The following C2orf72 variants were observed in gnomAD, a reference collection of about 807,000 sequenced individuals.
The protein encoded by C2orf72 is chromosome 2 open reading frame 72.
Under a neutral mutation model 14.4 loss-of-function variants are expected in C2orf72, and 16 were observed. That is an observed-to-expected ratio of 1.11 (90% CI 0.75 to 1.69). The LOEUF is 1.69. Among genes scored for constraint, C2orf72 ranks in the 40% most tolerant of loss-of-function variants. C2orf72 has a pLI of 0.00. For missense variants in C2orf72, 371 were observed against 358.3 expected (o/e 1.04, Z -0.29); for synonymous variants, 168 against 176.8 (o/e 0.95, Z 0.40).
At chr2:231,040,902 T>C (rs1693332039) in intron 1 of C2orf72, among the ~76,000 whole-genome samples, 1 of 152,240 alleles carries the variant, frequency 6.6e-6, no homozygotes, top group Non-Finnish European at 1.5e-5. Context: ...CTGTTGACTT[T>C]ATAGATTACT....
At position 231,047,868 on chromosome 2, in the gene C2orf72, C is replaced by G. The variant is rs1693439565; in HGVS notation, c.*847C>G. On this transcript the variant is annotated 3_prime_UTR_variant, in exon 3 of 3. Transcript: ENST00000373640. ...CAGGGCCAGGACAGAAATAGCCACA[C>G]ATGCCGGTGAGAACAAAGAGCCTCT... 6.6e-6 allele frequency: 1 copy of G among 152,602 alleles called. No homozygotes were observed. Among genetic ancestry groups the G allele is most frequent in the Admixed American group, 6.5e-5 (1 of 15,304 alleles). The allele number at this position is 152,602 out of a possible 1,614,324, so 9.5% of individuals were successfully genotyped here. A position where few individuals can be genotyped will look rare whatever the true frequency, so the allele number is the denominator to read the frequency against.
rs1693435757 is a variant in C2orf72, at chr2:231,047,591, G to T, written c.*570G>T. On this transcript the variant is annotated 3_prime_UTR_variant, in exon 3 of 3. Coordinates refer to ENST00000373640, the MANE Select transcript of C2orf72 (RefSeq NM_001144994.2). The stretch of plus-strand genomic sequence containing the variant: ...TGAGGGGGTCACAGTGACTGTGGGG[G>T]CACCCCTGGCATCTAGTGGGCATCC... The T allele has an allele frequency of 4.4e-6, 1 of 226,248 alleles. No homozygotes were observed. The highest frequency in any genetic ancestry group is 9.0e-6 in the Non-Finnish European group (1 of 111,394). 14.0% of individuals were successfully genotyped at this position (226,248 alleles called of 1,614,324 possible). A position where few individuals can be genotyped will look rare whatever the true frequency, so the allele number is the denominator to read the frequency against.
At chr2:231,044,953 A>G (rs903450093) in intron 2 of C2orf72, among the ~76,000 whole-genome samples, 1 of 147,844 alleles carries the variant, frequency 6.8e-6, no homozygotes, top group Non-Finnish European at 1.5e-5. Flanking sequence ...CTTTATATAT[A>G]TATATATATA....
rs751417272 is a variant in C2orf72 at position 231,041,321 on chromosome 2, C to G, written c.660C>G (p.Gly220=). Reference sequence around the variant, plus strand: ...TGGAAGGAGCCTGGGAGAGGCCAGGCCTCCCCGGACTGCTAGCCTGCTTTT... The same window carrying G: ...TGGAAGGAGCCTGGGAGAGGCCAGGGCTCCCCGGACTGCTAGCCTGCTTTT... The part of the protein sequence containing the change: ...QPVEGAWERP[G]LPGLLACFSW... Residue 220 remains glycine (G), a synonymous_variant, in exon 2 of 3, where the codon GGC becomes GGG. Coordinates refer to ENST00000373640, the MANE Select transcript of C2orf72 (RefSeq NM_001144994.2). 7 of 1,551,160 alleles carry G rather than the reference C, an allele frequency of 4.5e-6. No individual in the cohort carries two copies. In the African/African-American group the frequency reaches 8.2e-5, roughly 18 times the overall value.
intron 2 of C2orf72, among the ~76,000 whole-genome samples, chr2:231,046,304 GTGTGT>G (rs1693415161): frequency 6.7e-6 from 1 of 148,984 alleles, no homozygotes; most frequent in Non-Finnish European, 1.5e-5. Flanking sequence ...GTGTGTGTGT[GTGTGT>G]GTGTGTGTGT....
Position 231,041,382 on chromosome 2 carries a change from G to T in C2orf72, c.721G>T (p.Val241Phe). Residue 241 changes from valine (V) to phenylalanine (F), a missense_variant, in exon 2 of 3, where the codon GTT (valine) becomes TTT (phenylalanine). Val to Phe is a conservative substitution (Grantham distance 50). Transcript: ENST00000373640. ...GPWSRRKNQD[V>F]AACRSSAQED... ...CTGGAGCCGGAGGAAGAACCAGGAT[G>T]TTGCTGCCTGCAGAAGCTCAGCTCA... The T allele has an allele frequency of 6.4e-7, 1 of 1,551,570 alleles. No individual in the cohort carries two copies. Among genetic ancestry groups the T allele is most frequent in the Non-Finnish European group, 8.7e-7 (1 of 1,146,958 alleles).
rs1415329938 is a variant in C2orf72, at chr2:231,037,599, C to T, written c.34C>T (p.Leu12Phe). Residue 12 changes from leucine (L) to phenylalanine (F), a missense_variant, in exon 1 of 3, where the codon CTT (leucine) becomes TTT (phenylalanine). Transcript: ENST00000373640. Reference protein sequence around the residue: ...ERELEALAARLARPAEPPFQA... With the variant: ...ERELEALAARFARPAEPPFQA... The stretch of plus-strand genomic sequence containing the variant: ...CGAGCTGGAGGCGCTGGCGGCCCGG[C>T]TTGCGCGCCCTGCCGAGCCGCCCTT... 9.3e-7 allele frequency: 1 copy of T among 1,076,730 alleles called. No individual in the cohort carries two copies. 66.7% of individuals were successfully genotyped at this position (1,076,730 alleles called of 1,614,324 possible).
At chr2:231,038,696 G>GAA (rs1693295145) in intron 1 of C2orf72, among the ~76,000 whole-genome samples, 1 of 152,102 alleles carries the variant, frequency 6.6e-6, no homozygotes, top group African/African-American at 2.4e-5. Context: ...CATCTCCAGC[G>GAA]CGGTGGAGGC....
rs1192549887 is a variant in C2orf72, at chr2:231,048,509, C to A, written c.*1488C>A. On this transcript the variant is annotated 3_prime_UTR_variant, in exon 3 of 3. Transcript: ENST00000373640. Reference sequence around the variant, plus strand: ...TGCCAGGGTAGCCCCTACCCCCAGCCCCTTGCTCCTGGACAGCAGTGGGTC... The same window carrying A: ...TGCCAGGGTAGCCCCTACCCCCAGCACCTTGCTCCTGGACAGCAGTGGGTC... 6.5e-6 allele frequency: 1 copy of A among 152,932 alleles called. No individual in the cohort carries two copies. The highest frequency in any genetic ancestry group is 2.4e-5 in the African/African-American group (1 of 41,480). The allele number at this position is 152,932 out of a possible 1,614,324, so 9.5% of individuals were successfully genotyped here.
At chr2:231,043,257 G>A (rs546837611) in intron 2 of C2orf72, among the ~76,000 whole-genome samples, 155 of 152,268 alleles carry the variant, frequency 1.0e-3, no homozygotes, top group Middle Eastern at 3.4e-3. Context: ...ATTTGTCAGA[G>A]AGACAACCTA....
Position 231,038,111 on chromosome 2 carries a change from C to T in C2orf72, c.546C>T (p.Ala182=), listed in dbSNP as rs1238523766. Residue 182 remains alanine (A), a synonymous_variant, in exon 1 of 3, where the codon GCC becomes GCT. Transcript: ENST00000373640. ...AGGCGGGGGGGCCCGTGCAGGCGGC[C>T]GCCTACTGCCCCGGCCTCCCGGCCT... The part of the protein sequence containing the change: ...GRQAGGPVQA[A]AYCPGLPASC... The T allele has an allele frequency of 1.9e-5, 22 of 1,165,498 alleles. No individual in the cohort carries two copies. Among genetic ancestry groups the T allele is most frequent in the Admixed American group, 4.7e-5 (1 of 21,438 alleles). 72.2% of individuals were successfully genotyped at this position (1,165,498 alleles called of 1,614,324 possible).
In C2orf72 at chr2:231,037,938, CT is replaced by C; in HGVS notation, c.374del (p.Leu125ArgfsTer101). 9.7e-7 allele frequency: 1 copy of C among 1,032,074 alleles called. No homozygotes were observed. Among genetic ancestry groups the C allele is most frequent in the Non-Finnish European group, 1.2e-6 (1 of 862,490 alleles). 63.9% of individuals were successfully genotyped at this position (1,032,074 alleles called of 1,614,324 possible). ...GGCCGCCCGGGAGCCGCGGCGCCGC[CT>C]GCGGGAGATGCTGCGGGACGTGCGC... Reference protein sequence around the residue: ...SLAAREPRRRLREMLRDVRGR... With the variant: ...SLAAREPRRRXREMLRDVRGR... On this transcript the variant is annotated frameshift_variant, in exon 1 of 3. Coordinates refer to ENST00000373640, the MANE Select transcript of C2orf72 (RefSeq NM_001144994.2). LOFTEE classifies it high-confidence loss of function.
At position 231,049,240 on chromosome 2, in the gene C2orf72, A is replaced by G. The variant is rs1195829533; in HGVS notation, c.*2219A>G. The G allele has an allele frequency of 6.6e-6, 1 of 152,014 alleles. No homozygotes were observed. The highest frequency in any genetic ancestry group is 1.5e-5 in the Non-Finnish European group (1 of 68,008). 9.4% of individuals were successfully genotyped at this position (152,014 alleles called of 1,614,324 possible). A position where few individuals can be genotyped will look rare whatever the true frequency, so the allele number is the denominator to read the frequency against. ...CTCTGCTCCAAAGGATGGTTTACAC[A>G]TTATTTTTTCATTACCTTCAGTATT... On this transcript the variant is annotated 3_prime_UTR_variant, in exon 3 of 3. Transcript: ENST00000373640.
At position 231,048,609 on chromosome 2, in the gene C2orf72, C is replaced by T. The variant is rs1693450598; in HGVS notation, c.*1588C>T. The T allele has an allele frequency of 6.6e-6, 1 of 152,384 alleles. No homozygotes were observed. The highest frequency in any genetic ancestry group is 1.5e-5 in the Non-Finnish European group (1 of 68,206). The allele number at this position is 152,384 out of a possible 1,614,324, so 9.4% of individuals were successfully genotyped here. A position where few individuals can be genotyped will look rare whatever the true frequency, so the allele number is the denominator to read the frequency against. On this transcript the variant is annotated 3_prime_UTR_variant, in exon 3 of 3. Transcript: ENST00000373640. ...CTATGATATTAAGAAGGGGCCCTTCCTGCTCTGTGCCTCAACCTATTCTCC... is the reference window on the plus strand; with the variant it reads ...CTATGATATTAAGAAGGGGCCCTTCTTGCTCTGTGCCTCAACCTATTCTCC...
chr2:231,038,169 G>GC lies in C2orf72; in HGVS notation c.607dup (p.Leu203ProfsTer54). The GC allele has an allele frequency of 8.4e-7, 1 of 1,194,286 alleles. No individual in the cohort carries two copies. Among genetic ancestry groups the GC allele is most frequent in the Non-Finnish European group, 1.0e-6 (1 of 963,568 alleles). The allele number at this position is 1,194,286 out of a possible 1,614,324, so 74.0% of individuals were successfully genotyped here. On this transcript the variant is annotated frameshift_variant, in exon 1 of 3. Transcript: ENST00000373640. LOFTEE classifies it high-confidence loss of function. Reference sequence around the variant, plus strand: ...GGCCGTCCAGGCGGCCGCCTGCAGGGCCCTGCAAGCCGCCGGAGCCGGGCA... The same window carrying GC: ...GGCCGTCCAGGCGGCCGCCTGCAGGGCCCCTGCAAGCCGCCGGAGCCGGGCA...
intron 2 of C2orf72, among the ~76,000 whole-genome samples, chr2:231,044,995 C>A (rs1436790242): frequency 1.4e-5 from 2 of 144,476 alleles, no homozygotes; most frequent in South Asian, 2.2e-4. Context: ...AGAGGGAGTA[C>A]ACTCTAAAAT....
At chr2:231,044,549 T>C (rs1487244290) in intron 2 of C2orf72, among the ~76,000 whole-genome samples, 1 of 152,070 alleles carries the variant, frequency 6.6e-6, no homozygotes, top group African/African-American at 2.4e-5. Context: ...TTTAAATTAT[T>C]AAAAGCTTTT....
intron 2 of C2orf72, among the ~76,000 whole-genome samples, chr2:231,046,352 A>G (rs1309166046): frequency 4.3e-5 from 6 of 140,620 alleles, no homozygotes; most frequent in Non-Finnish European, 9.3e-5. Context: ...AGGTCTGTGG[A>G]ATTTTATATA....
In C2orf72 at chr2:231,047,121, G is replaced by A. The variant is rs139856330; in HGVS notation, c.*100G>A. ...CTCCATGGAGACTGCAGAAACCCCC[G>A]CCTGCTGGAGGCCTGCCACACTCAC... On this transcript the variant is annotated 3_prime_UTR_variant, in exon 3 of 3. Coordinates refer to ENST00000373640, the MANE Select transcript of C2orf72 (RefSeq NM_001144994.2). 7.0e-4 allele frequency: 987 copies of A among 1,417,148 alleles called. 8 individuals are homozygous for A. The African/African-American group carries it at 0.013, about 18-fold the overall frequency. 87.8% of individuals were successfully genotyped at this position (1,417,148 alleles called of 1,614,324 possible).
Sources: gnomAD v4.1 joint callset for allele counts (sites outside exome capture counted in the v4.1 genomes callset) on GRCh38, gnomAD v4.1.1 for gene constraint, MANE v1.5 for transcripts, NCBI Gene and HGNC (gene_info 2026-07-23, HGNC 2026-07-21) for gene names.